Variants in ATRNL1 observed in about 807,000 individuals in gnomAD.
The protein encoded by ATRNL1 is attractin-like protein 1.
Under a neutral mutation model 182.7 loss-of-function variants are expected in ATRNL1, and 95 were observed. The ratio of observed to expected loss-of-function variants is 0.52; its 90% CI spans 0.44 to 0.62. ATRNL1 has a LOEUF of 0.62. ATRNL1 is among the 20% of genes least tolerant of loss of function. ATRNL1 has a pLI of 0.00. For synonymous variants in ATRNL1, 576 were observed against 568.3 expected (o/e 1.01, Z -0.19); for missense variants, 1,471 against 1,679.5 (o/e 0.88, Z 2.17).
At chr10:115,561,373 C>G (rs75653099) in intron 26 of ATRNL1, among the ~76,000 whole-genome samples, 1,772 of 152,080 alleles carry the variant, frequency 0.012, 28 homozygotes, top group African/African-American at 0.04. Flanking sequence ...GCAGTTTGCC[C>G]TTTGTATTCA....
intron 28 of ATRNL1, among the ~76,000 whole-genome samples, chr10:115,850,581 G>T (rs1285007964): frequency 6.6e-6 from 1 of 151,292 alleles, no homozygotes; most frequent in Non-Finnish European, 1.5e-5. Flanking sequence ...GCTGAAGTTT[G>T]GTTTATTCTG....
intron 28 of ATRNL1, among the ~76,000 whole-genome samples, chr10:115,856,738 CT>C (rs1951198678): frequency 6.6e-6 from 1 of 152,086 alleles, no homozygotes; most frequent in Admixed American, 6.6e-5. Flanking sequence ...AATCTAATGC[CT>C]CCGCTGATCC....
At chr10:115,851,946 C>A (rs547088446) in intron 28 of ATRNL1, among the ~76,000 whole-genome samples, 8 of 152,250 alleles carry the variant, frequency 5.3e-5, no homozygotes, top group African/African-American at 1.9e-4. Flanking sequence ...TCACCCCGGA[C>A]AGCATGGTCC....
intron 19 of ATRNL1, among the ~76,000 whole-genome samples, chr10:115,368,478 C>T (rs150922431): frequency 0.013 from 1,983 of 152,296 alleles, 35 homozygotes; most frequent in African/African-American, 0.044. Flanking sequence ...AGAAATCACC[C>T]GTCTTCTGCG....
At chr10:115,428,135 A>G (rs1845988216) in intron 21 of ATRNL1, among the ~76,000 whole-genome samples, 1 of 151,880 alleles carries the variant, frequency 6.6e-6, no homozygotes, top group African/African-American at 2.4e-5. Flanking sequence ...TTTTTGTCAG[A>G]TTTATCCCTG....
chr10:115,103,975 G>T (rs1843891856), intron 1 of ATRNL1, among the ~76,000 whole-genome samples: 1 of 152,044 alleles, frequency 6.6e-6, no homozygotes, highest in Non-Finnish European at 1.5e-5. Flanking sequence ...CCAAATTTTG[G>T]CTGTTGTGAA....
intron 21 of ATRNL1, among the ~76,000 whole-genome samples, chr10:115,427,467 G>A (rs1845954768): frequency 6.6e-6 from 1 of 152,074 alleles, no homozygotes; most frequent in South Asian, 2.1e-4. Context: ...TTTAGATGAA[G>A]CTTGACTTAT....
At chr10:115,871,320 CA>C (rs1951573818) in intron 28 of ATRNL1, among the ~76,000 whole-genome samples, 1 of 150,774 alleles carries the variant, frequency 6.6e-6, no homozygotes, top group Admixed American at 6.6e-5. Flanking sequence ...ACAATGACAA[CA>C]AAAGGCATAT....
chr10:115,118,889 T>G (rs1406346457), intron 1 of ATRNL1, among the ~76,000 whole-genome samples: 1 of 152,142 alleles, frequency 6.6e-6, no homozygotes, highest in East Asian at 1.9e-4. Context: ...TTTTTCTGAA[T>G]TACTGCACTT....
chr10:115,305,386 A>G (rs1030059700), intron 17 of ATRNL1, among the ~76,000 whole-genome samples: 18 of 152,050 alleles, frequency 1.2e-4, no homozygotes, highest in African/African-American at 3.6e-4. Flanking sequence ...CCTGGGATGG[A>G]CATGGTTGGA....
At chr10:115,163,471 C>T (rs1271304663) in intron 6 of ATRNL1, among the ~76,000 whole-genome samples, 1 of 151,962 alleles carries the variant, frequency 6.6e-6, no homozygotes, top group Non-Finnish European at 1.5e-5. Flanking sequence ...CCAGGCGATC[C>T]TTCCACCTCA....
intron 19 of ATRNL1, among the ~76,000 whole-genome samples, chr10:115,336,415 T>C (rs1013824229): frequency 6.6e-6 from 1 of 152,302 alleles, no homozygotes; most frequent in East Asian, 1.9e-4. Flanking sequence ...AGACCAAGGT[T>C]TTCAAGACAA....
intron 24 of ATRNL1, among the ~76,000 whole-genome samples, chr10:115,494,323 C>T (rs1243749551): frequency 6.6e-6 from 1 of 152,138 alleles, no homozygotes; most frequent in African/African-American, 2.4e-5. Context: ...GGATGCATTT[C>T]ATTCCTTTCT....
chr10:115,349,188 A>G (rs1193738747), intron 19 of ATRNL1, among the ~76,000 whole-genome samples: 2 of 152,214 alleles, frequency 1.3e-5, no homozygotes, highest in African/African-American at 4.8e-5. Flanking sequence ...TTTAGCTCCC[A>G]CATATGAATG....
At chr10:115,160,281 T>TTTAATTG (rs1265136242) in intron 6 of ATRNL1, 67 bp downstream of exon 6, 112 of 1,453,136 alleles carry the variant, frequency 7.7e-5, no homozygotes, top group Non-Finnish European at 1.0e-4. Flanking sequence ...GTCTTTTTTT[T>TTTAATTG]TTAATTGTTG....
At chr10:115,239,073 T>G (rs1375668370) in intron 9 of ATRNL1, among the ~76,000 whole-genome samples, 4 of 152,176 alleles carry the variant, frequency 2.6e-5, no homozygotes, top group Admixed American at 6.6e-5. Context: ...TGGAATAAGT[T>G]CCACCTTCTT....
chr10:115,158,494 CTT>C (rs1328477165), intron 5 of ATRNL1, among the ~76,000 whole-genome samples: 4 of 151,956 alleles, frequency 2.6e-5, no homozygotes, highest in Non-Finnish European at 5.9e-5. Context: ...AGTTCACAGT[CTT>C]TTCTCACTCA....
intron 21 of ATRNL1, among the ~76,000 whole-genome samples, chr10:115,454,210 A>G (rs1847416372): frequency 6.6e-6 from 1 of 152,040 alleles, no homozygotes; most frequent in African/African-American, 2.4e-5. Context: ...AGTTAACTCT[A>G]CATGCATGGG....
At position 115,134,296 on chromosome 10, in the gene ATRNL1, T is replaced by C. The variant is rs540974298; in HGVS notation, c.829+4761T>C. Among the ~76,000 whole-genome samples, 966 of 151,742 alleles carry C rather than the reference T, an allele frequency of 6.4e-3. 10 individuals are homozygous for C. The highest frequency in any genetic ancestry group is 0.022 in the African/African-American group (928 of 41,354). ...AAAATTGATAGACCATTAGCAAGAC[T>C]AATAAAGAAGAAAAGAGAGAAGAAT... On this transcript the variant is annotated intron_variant, in intron 5 of 28. Transcript: ENST00000355044.
Sources: allele counts gnomAD v4.1 joint callset (sites outside exome capture counted in the v4.1 genomes callset), GRCh38; gene constraint gnomAD v4.1.1; transcripts MANE v1.5; gene names NCBI Gene and HGNC (gene_info 2026-07-23, HGNC 2026-07-21).